The following RARB variants were observed in gnomAD, a reference collection of about 807,000 sequenced individuals.
RARB encodes HBV-activated protein.
RARB carries 17 observed loss-of-function variants against 51.9 expected under a neutral mutation model. The ratio of observed to expected loss-of-function variants is 0.33; its 90% CI spans 0.22 to 0.49. RARB has a LOEUF of 0.49. Among genes scored for constraint, RARB ranks in the 20% least tolerant of loss-of-function variants. The pLI is 0.99. For synonymous variants in RARB, 215 were observed against 195.4 expected, an observed-to-expected ratio of 1.10 and a Z score of -0.84; for missense variants, 369 against 550.8, an observed-to-expected ratio of 0.67 and a Z score of 3.30.
At chr3:25,478,607 A>G (rs1276589034) in intron 2 of RARB, among the ~76,000 whole-genome samples, 4 of 152,216 alleles carry the variant, frequency 2.6e-5, no homozygotes, top group Non-Finnish European at 5.9e-5. Flanking sequence ...AGCTGCTGTG[A>G]GTGCGTTCTG....
chr3:25,049,032 G>A (rs886632477), intron 2 of RARB, among the ~76,000 whole-genome samples: 1 of 152,128 alleles, frequency 6.6e-6, no homozygotes, highest in East Asian at 1.9e-4. Context: ...GCTTACAGGC[G>A]TGAGCCACCG....
intron 2 of RARB, among the ~76,000 whole-genome samples, chr3:25,481,887 C>T (rs1004409633): frequency 1.3e-5 from 2 of 152,142 alleles, no homozygotes; most frequent in African/African-American, 4.8e-5. Context: ...CTGTTTTAGG[C>T]TATTAACAAA....
chr3:24,852,950 C>T (rs936373916), intron 1 of RARB, among the ~76,000 whole-genome samples: 1 of 151,920 alleles, frequency 6.6e-6, no homozygotes, highest in Non-Finnish European at 1.5e-5. Context: ...TTACTAAAAA[C>T]CTTTGAACTG....
chr3:25,268,801 C>T (rs1167635569), intron 5 of RARB, among the ~76,000 whole-genome samples: 1 of 152,146 alleles, frequency 6.6e-6, no homozygotes, highest in African/African-American at 2.4e-5. Flanking sequence ...TTCTTAGGAC[C>T]TTTCTCTCCT....
intron 5 of RARB, among the ~76,000 whole-genome samples, chr3:25,308,582 G>A (rs1328746822): frequency 6.6e-6 from 1 of 151,756 alleles, no homozygotes; most frequent in Non-Finnish European, 1.5e-5. Flanking sequence ...CAGAGTAGCT[G>A]GGATTACAGG....
Position 25,147,793 on chromosome 3 carries a change from T to C in RARB, c.-280+15585T>C, listed in dbSNP as rs1700218563. 2.0e-5 allele frequency among the ~76,000 whole-genome samples: 3 copies of C among 152,234 alleles called. No individual in the cohort carries two copies. In the South Asian group the frequency reaches 6.2e-4, roughly 32 times the overall value. On this transcript the variant is annotated intron_variant, in intron 4 of 11. Coordinates refer to the RARB transcript ENST00000383772. ...TGCAAAGAGGGCTGGACATGTGACA[T>C]GGTTCTAGCCAATGAGACTTAAGCT...
intron 4 of RARB, among the ~76,000 whole-genome samples, chr3:25,165,483 C>G (rs1700547274): frequency 6.6e-6 from 1 of 152,140 alleles, no homozygotes; most frequent in Non-Finnish European, 1.5e-5. Flanking sequence ...CAAGCTCTCT[C>G]TCAGGCATCT....
chr3:24,885,598 T>C (rs1418616129), intron 2 of RARB, among the ~76,000 whole-genome samples: 1 of 152,164 alleles, frequency 6.6e-6, no homozygotes, highest in African/African-American at 2.4e-5. Flanking sequence ...TGAACCTACA[T>C]TTTTATGAAG....
At chr3:25,429,903 C>G (rs1293778031) in intron 1 of RARB, among the ~76,000 whole-genome samples, 1 of 152,176 alleles carries the variant, frequency 6.6e-6, no homozygotes, top group Non-Finnish European at 1.5e-5. Flanking sequence ...TTCATTGGAG[C>G]ATTAGCCTGA....
intron 5 of RARB, among the ~76,000 whole-genome samples, chr3:25,408,695 C>G (rs1286930090): frequency 1.3e-5 from 2 of 152,052 alleles, no homozygotes; most frequent in Non-Finnish European, 2.9e-5. Flanking sequence ...AGGAAGCAGG[C>G]AAGTCAAGCA....
chr3:25,260,885 AAATT>A (rs1409342303), intron 5 of RARB, among the ~76,000 whole-genome samples: 3 of 152,252 alleles, frequency 2.0e-5, no homozygotes, highest in Admixed American at 1.3e-4. Flanking sequence ...CGTATGGAGA[AAATT>A]AAATAAAATA....
intron 5 of RARB, among the ~76,000 whole-genome samples, chr3:25,326,482 A>G (rs1206252531): frequency 6.6e-6 from 1 of 152,244 alleles, no homozygotes. Flanking sequence ...ATACTTGGAA[A>G]TGGCCCAAGT....
chr3:25,344,947 G>GTTTGTA (rs58464421), intron 5 of RARB, among the ~76,000 whole-genome samples: 64,568 of 151,476 alleles, frequency 0.43, 13,948 homozygotes, highest in South Asian at 0.52. Context: ...TATTTGGCAT[G>GTTTGTA]TTTGTAAGTT....
At chr3:24,839,762 A>G (rs980667519) in intron 1 of RARB, among the ~76,000 whole-genome samples, 1 of 151,438 alleles carries the variant, frequency 6.6e-6, no homozygotes, top group Admixed American at 6.6e-5. Flanking sequence ...TAATTGAAGC[A>G]CAAATCCAGA....
chr3:25,425,895 A>C (rs910310851), upstream of RARB, among the ~76,000 whole-genome samples: 5 of 152,324 alleles, frequency 3.3e-5, no homozygotes, highest in African/African-American at 1.2e-4. Context: ...AATGTGCAGC[A>C]GCCTCCCCTG....
chr3:25,305,338 G>A (rs780318807), intron 5 of RARB, among the ~76,000 whole-genome samples: 5 of 152,052 alleles, frequency 3.3e-5, no homozygotes, highest in Non-Finnish European at 4.4e-5. Context: ...AGACAGCAAT[G>A]CCCCAGAGCC....
chr3:25,269,442 T>C (rs1703201711), intron 5 of RARB, among the ~76,000 whole-genome samples: 2 of 152,200 alleles, frequency 1.3e-5, no homozygotes, highest in African/African-American at 4.8e-5. Context: ...TCCCACTTCT[T>C]CCACTTACTA....
At chr3:25,020,103 TCTATTATTATTATTATTA>T (rs201622599) in intron 2 of RARB, 8 of 137,632 alleles carry the variant, frequency 5.8e-5, no homozygotes, top group African/African-American at 1.5e-4. Context: ...ACTCAAGTTC[TCTATTATTATTATTATTA>T]TTATTATTAT....
chr3:24,951,192 T>A (rs1695884063), intron 2 of RARB, among the ~76,000 whole-genome samples: 5 of 152,160 alleles, frequency 3.3e-5, no homozygotes, highest in African/African-American at 9.7e-5. Context: ...GTGGTTGCAT[T>A]TCCAACCAGG....
Sources: gnomAD v4.1 joint callset for allele counts (sites outside exome capture counted in the v4.1 genomes callset) on GRCh38, gnomAD v4.1.1 for gene constraint, MANE v1.5 for transcripts, NCBI Gene and HGNC (gene_info 2026-07-23, HGNC 2026-07-21) for gene names.